PRKCZ: variants seen among roughly 807,000 people sequenced by gnomAD.
PRKCZ encodes the protein protein kinase C zeta type.
In PRKCZ, 33 loss-of-function variants were observed where a neutral mutation model predicts 79.5. The observed-to-expected ratio is 0.41, with a 90% CI of 0.31 to 0.55. The LOEUF is 0.55. Ranked by LOEUF, PRKCZ falls within the 20% of genes least tolerant of loss-of-function variation. The pLI is 0.19. For missense variants in PRKCZ, 578 were observed against 813.5 expected (o/e 0.71, Z 3.52); for synonymous variants, 342 against 320.9 (o/e 1.07, Z -0.70).
chr1:2,132,805 T>C (rs189133054), intron 4 of PRKCZ, among the ~76,000 whole-genome samples: 1 of 152,368 alleles, frequency 6.6e-6, no homozygotes, highest in Admixed American at 6.5e-5. Context: ...CTGAGGGGCC[T>C]AGTGTGTGTA....
intron 4 of PRKCZ, among the ~76,000 whole-genome samples, chr1:2,072,881 T>C (rs769225703): frequency 1.6e-4 from 25 of 151,778 alleles, no homozygotes; most frequent in Admixed American, 5.2e-4. Context: ...AAGCGGCCCA[T>C]GTAGGCTCAG....
At chr1:2,148,289 A>G (rs557262916) in intron 7 of PRKCZ, among the ~76,000 whole-genome samples, 2,052 of 149,404 alleles carry the variant, frequency 0.014, 38 homozygotes, top group African/African-American at 0.048. Flanking sequence ...TTGTCCACTG[A>G]CCTCTCCATC....
At chr1:2,073,876 C>T (rs867864809) in intron 4 of PRKCZ, 9 of 1,107,818 alleles carry the variant, frequency 8.1e-6, no homozygotes, top group Non-Finnish European at 9.9e-6. Context: ...CCTGCACGCC[C>T]GCCGCGCACA....
Position 2,185,019 on chromosome 1 carries a change from C to T in PRKCZ, c.*10C>T, listed in dbSNP as rs372211804. ...CGAGGAGTCGGTGTGAGGCCGCGTG[C>T]GTCTCTGTCGTGGACACGCGTGATT... On this transcript the variant is annotated 3_prime_UTR_variant, in exon 18 of 18. Coordinates refer to ENST00000378567, the MANE Select transcript of PRKCZ (RefSeq NM_002744.6). 22 of 1,604,750 alleles carry T rather than the reference C, an allele frequency of 1.4e-5. No individual in the cohort carries two copies. The African/African-American group carries it at 1.5e-4, about 11-fold the overall frequency.
chr1:2,174,429 T>C lies in PRKCZ; in HGVS notation c.1406-325T>C, dbSNP rs1685055412. Among the ~76,000 whole-genome samples the C allele has an allele frequency of 6.6e-6, 1 of 152,232 alleles. No homozygotes were observed. Among genetic ancestry groups the C allele is most frequent in the African/African-American group, 2.4e-5 (1 of 41,466 alleles). ...TCTGGAATTCAGTGCTGTGGGGATGTGGGATCTGGGAACGCGGCTGTCTCC... is the reference window on the plus strand; with the variant it reads ...TCTGGAATTCAGTGCTGTGGGGATGCGGGATCTGGGAACGCGGCTGTCTCC... On this transcript the variant is annotated intron_variant, in intron 14 of 17. Transcript: ENST00000378567. The surrounding 1 kb of genome is among the most constrained non-coding windows in gnomAD (Gnocchi z 6.2).
At chr1:2,073,682 C>T (rs1661842359) in intron 4 of PRKCZ, 6 of 992,752 alleles carry the variant, frequency 6.0e-6, no homozygotes, top group East Asian at 1.1e-4. Context: ...GCTACAGCTT[C>T]CCGGGGGAGC....
At position 2,094,551 on chromosome 1, in the gene PRKCZ, CCCGG is replaced by C. The variant is rs1666101935; in HGVS notation, c.334+34962_334+34965del. On this transcript the variant is annotated intron_variant, in intron 4 of 17. Coordinates refer to ENST00000378567, the MANE Select transcript of PRKCZ (RefSeq NM_002744.6). The surrounding 1 kb of genome is among the most constrained non-coding windows in gnomAD (Gnocchi z 7.3). ...TGCCCGTTCTGAGGCGCCCTCTGTGCCCGGCTCGATGAACCTTGGGCGCTGCCCG... is the reference window on the plus strand; with the variant it reads ...TGCCCGTTCTGAGGCGCCCTCTGTGCCTCGATGAACCTTGGGCGCTGCCCG... Among the ~76,000 whole-genome samples the C allele has an allele frequency of 8.0e-6, 1 of 125,328 alleles. No homozygotes were observed. The highest frequency in any genetic ancestry group is 2.7e-4 in the East Asian group (1 of 3,692). The allele number at this position is 125,328 out of a possible 152,430, so 82.2% of individuals were successfully genotyped here.
At chr1:2,086,296 A>G (rs1457729297) in intron 4 of PRKCZ, among the ~76,000 whole-genome samples, 3 of 152,060 alleles carry the variant, frequency 2.0e-5, no homozygotes, top group Non-Finnish European at 2.9e-5. Context: ...CCTGGCCTCA[A>G]GCGATCCTCT....
At chr1:2,079,955 C>A (rs1472100578) in intron 4 of PRKCZ, among the ~76,000 whole-genome samples, 1 of 152,204 alleles carries the variant, frequency 6.6e-6, no homozygotes, top group Non-Finnish European at 1.5e-5. Flanking sequence ...CGTTCCCTGG[C>A]TGCTTTGGGT....
At chr1:2,051,802 A>G (rs533241197) in intron 1 of PRKCZ, among the ~76,000 whole-genome samples, 18 of 152,100 alleles carry the variant, frequency 1.2e-4, no homozygotes, top group African/African-American at 4.3e-4. Context: ...CGGGTCAGCC[A>G]TCTGGGGCTG....
intron 3 of PRKCZ, 63 bp downstream of exon 3, chr1:2,056,636 G>C: frequency 7.1e-7 from 1 of 1,418,204 alleles, no homozygotes. Context: ...GGTGTCTGCC[G>C]ACTAGCTGGG....
chr1:2,121,669 T>TGGTGGTGGTTAGGGTCAC (rs1672029235), intron 4 of PRKCZ, among the ~76,000 whole-genome samples: 1 of 26,322 alleles, frequency 3.8e-5, no homozygotes, highest in Non-Finnish European at 8.0e-5. Context: ...GTTAGGGTCG[T>TGGTGGTGGTTAGGGTCAC]GGTGGTGGTT....
intron 4 of PRKCZ, chr1:2,116,153 T>A (rs1453292123): frequency 6.6e-6 from 1 of 152,264 alleles, no homozygotes; most frequent in Non-Finnish European, 1.5e-5. Context: ...GCTGGGAAAC[T>A]GAGACAAAGG....
chr1:2,182,783 C>A (rs1686867884), intron 16 of PRKCZ: 1 of 154,474 alleles, frequency 6.5e-6, no homozygotes, highest in African/African-American at 2.4e-5. Flanking sequence ...CAGGAGCACA[C>A]ACCTAAGGGG....
intron 4 of PRKCZ, among the ~76,000 whole-genome samples, chr1:2,117,609 C>T (rs1324997142): frequency 6.6e-6 from 1 of 152,172 alleles, no homozygotes; most frequent in Non-Finnish European, 1.5e-5. Flanking sequence ...GCCACATCCT[C>T]TCGTGCCTGA....
At chr1:2,051,725 G>A (rs534822306) in intron 1 of PRKCZ, among the ~76,000 whole-genome samples, 2 of 152,240 alleles carry the variant, frequency 1.3e-5, no homozygotes, top group African/African-American at 4.8e-5. Context: ...ACAGTGCCCC[G>A]GGGGTCTCTA....
In PRKCZ at chr1:2,118,369, G is replaced by T. The variant is rs563463018; in HGVS notation, c.335-16893G>T. 8.6e-5 allele frequency among the ~76,000 whole-genome samples: 12 copies of T among 140,092 alleles called. No homozygotes were observed. The South Asian group carries it at 2.5e-3, about 29-fold the overall frequency. 91.9% of individuals were successfully genotyped at this position (140,092 alleles called of 152,430 possible). ...TTTTTTTTTTTTGAGACAGAGTGTC[G>T]CTCTGTCCCCCAGGCTGGAGTGCAG... On this transcript the variant is annotated intron_variant, in intron 4 of 17. Transcript: ENST00000378567.
rs1284021239 is a variant in PRKCZ, at chr1:2,149,732, G to A, written c.687+808G>A. Among the ~76,000 whole-genome samples the A allele has an allele frequency of 2.0e-5, 3 of 152,134 alleles. No individual in the cohort carries two copies. Among genetic ancestry groups the A allele is most frequent in the Non-Finnish European group, 4.4e-5 (3 of 68,016 alleles). On this transcript the variant is annotated intron_variant, in intron 8 of 17. Coordinates refer to ENST00000378567, the MANE Select transcript of PRKCZ (RefSeq NM_002744.6). This position sits in a 1 kb window ranked among gnomAD's most constrained non-coding sequence, Gnocchi z 4.1. ...AATAATTAGCTGGGCATGGTGGCAC[G>A]GGCCTGTGGTCCTAGCTGCTTGGGA...
intron 4 of PRKCZ, among the ~76,000 whole-genome samples, chr1:2,086,341 G>A (rs773977974): frequency 6.6e-6 from 1 of 152,048 alleles, no homozygotes; most frequent in Non-Finnish European, 1.5e-5. Context: ...GATTACAGGT[G>A]TGAGCCTCCA....
Sources: gnomAD v4.1 joint callset for allele counts (sites outside exome capture counted in the v4.1 genomes callset) on GRCh38, gnomAD v4.1.1 for gene constraint, Gnocchi (gnomAD v3.1) non-coding constraint, MANE v1.5 for transcripts, NCBI Gene and HGNC (gene_info 2026-07-23, HGNC 2026-07-21) for gene names.